Variants in OR2AG2 observed in about 807,000 individuals in gnomAD.
OR2AG2 encodes the protein olfactory receptor 2AG2.
For missense variants in OR2AG2, 390 were observed against 391.9 expected (o/e 1.00, Z 0.04); for synonymous variants, 167 against 157.1 (o/e 1.06, Z -0.47).
In OR2AG2 at chr11:6,766,283, C is replaced by T. The variant is rs947701192; in HGVS notation, c.*1724G>A. On this transcript the variant is annotated 3_prime_UTR_variant, in exon 2 of 2. Coordinates refer to ENST00000641124, the MANE Select transcript of OR2AG2 (RefSeq NM_001004490.2). ...AAATGCGGGCACTCTGGTCTGCTTT[C>T]TCATCACTACTCTAAAATATTCCCT... 6.6e-6 allele frequency: 1 copy of T among 152,132 alleles called. No individual in the cohort carries two copies. Among genetic ancestry groups the T allele is most frequent in the Non-Finnish European group, 1.5e-5 (1 of 68,026 alleles). The allele number at this position is 152,132 out of a possible 1,614,324, so 9.4% of individuals were successfully genotyped here. A position where few individuals can be genotyped will look rare whatever the true frequency, so the allele number is the denominator to read the frequency against.
rs1847418153 is a variant in OR2AG2, at chr11:6,769,172, T to G, written c.-215A>C. ...TAAACTGGTATCAGGTATTTTGACA[T>G]GTTGTTAATAGTAATCATTTAGAAA... On this transcript the variant is annotated 5_prime_UTR_variant, in exon 2 of 2. The change abolishes an upstream ATG in the 5' untranslated region. Coordinates refer to ENST00000641124, the MANE Select transcript of OR2AG2 (RefSeq NM_001004490.2). 1.9e-6 allele frequency: 1 copy of G among 520,894 alleles called. No homozygotes were observed. Among genetic ancestry groups the G allele is most frequent in the Non-Finnish European group, 3.4e-6 (1 of 296,406 alleles). 32.3% of individuals were successfully genotyped at this position (520,894 alleles called of 1,614,324 possible).
In OR2AG2 at chr11:6,765,936, A is replaced by T. The variant is rs1847369681; in HGVS notation, c.*2071T>A. 1 of 152,212 alleles carries T rather than the reference A, an allele frequency of 6.6e-6. No homozygotes were observed. The highest frequency in any genetic ancestry group is 2.4e-5 in the African/African-American group (1 of 41,466). The allele number at this position is 152,212 out of a possible 1,614,324, so 9.4% of individuals were successfully genotyped here. A position where few individuals can be genotyped will look rare whatever the true frequency, so the allele number is the denominator to read the frequency against. ...CCATAAAGTATACATATTTCAAAAC[A>T]TCATGTTTTACTACATTAAGACATA... On this transcript the variant is annotated 3_prime_UTR_variant, in exon 2 of 2. Coordinates refer to ENST00000641124, the MANE Select transcript of OR2AG2 (RefSeq NM_001004490.2).
At position 6,768,319 on chromosome 11, in the gene OR2AG2, G is replaced by A. The variant is rs1426216291; in HGVS notation, c.639C>T (p.Ala213=). ...GVTFLLLPIS[A]IVASYTLVLF... ...GGACTAGTGTGTAGGAGGCCACAAT[G>A]GCAGAAATGGGGAGCAAGAGGAAAG... The change falls in exon 2 of 2, where the codon GCC becomes GCT. Residue 213 remains alanine (A), a synonymous_variant. Coordinates refer to ENST00000641124, the MANE Select transcript of OR2AG2 (RefSeq NM_001004490.2). The A allele has an allele frequency of 6.2e-7, 1 of 1,613,990 alleles. No individual in the cohort carries two copies.
Position 6,768,996 on chromosome 11 carries a change from C to A in OR2AG2, c.-39G>T. 1 of 1,462,914 alleles carries A rather than the reference C, an allele frequency of 6.8e-7. No individual in the cohort carries two copies. Among genetic ancestry groups the A allele is most frequent in the South Asian group, 1.2e-5 (1 of 80,790 alleles). The allele number at this position is 1,462,914 out of a possible 1,614,324, so 90.6% of individuals were successfully genotyped here. On this transcript the variant is annotated 5_prime_UTR_variant, in exon 2 of 2. Transcript: ENST00000641124. ...AGTTGCCTAGAACCAAATATATTATCAGTGGAAGCTTTTCTAAAGGTGTTC... is the reference window on the plus strand; with the variant it reads ...AGTTGCCTAGAACCAAATATATTATAAGTGGAAGCTTTTCTAAAGGTGTTC...
chr11:6,768,456 A>G lies in OR2AG2; in HGVS notation c.502T>C (p.Phe168Leu), dbSNP rs777086936. 3.7e-6 allele frequency: 6 copies of G among 1,614,134 alleles called. No individual in the cohort carries two copies. In the South Asian group the frequency reaches 6.6e-5, roughly 18 times the overall value. ...GHTMYTMHLPFCVSWEIRHLL... is the reference protein window; with the variant it reads ...GHTMYTMHLPLCVSWEIRHLL... ...TGCCTGATTTCCCAGGACACACAGA[A>G]AGGGAGGTGCATAGTGTACATGGTA... Residue 168 changes from phenylalanine (F) to leucine (L), a missense_variant, in exon 2 of 2, where the codon TTC becomes CTC. Phe to Leu is a conservative substitution (Grantham distance 22, BLOSUM62 0). Coordinates refer to ENST00000641124, the MANE Select transcript of OR2AG2 (RefSeq NM_001004490.2).
rs1847380555 is a variant in OR2AG2, at chr11:6,766,854, CA to C, written c.*1152del. 2 of 152,180 alleles carry C rather than the reference CA, an allele frequency of 1.3e-5. No individual in the cohort carries two copies. Among genetic ancestry groups the C allele is most frequent in the African/African-American group, 2.4e-5 (1 of 41,448 alleles). The allele number at this position is 152,180 out of a possible 1,614,324, so 9.4% of individuals were successfully genotyped here. ...GTTTTAATGTTTAAAAACACATTCA[CA>C]TATCTGCAAGTCCACATTTTAAAAA... On this transcript the variant is annotated 3_prime_UTR_variant, in exon 2 of 2. Coordinates refer to ENST00000641124, the MANE Select transcript of OR2AG2 (RefSeq NM_001004490.2).
In OR2AG2 at chr11:6,768,162, G is replaced by A. The variant is rs146325136; in HGVS notation, c.796C>T (p.His266Tyr). 70 of 1,614,040 alleles carry A rather than the reference G, an allele frequency of 4.3e-5. No homozygotes were observed. The African/African-American group carries it at 7.9e-4, about 18-fold the overall frequency. Residue 266 changes from histidine to tyrosine, a missense_variant, in exon 2 of 2, where the codon CAC (histidine) becomes TAC (tyrosine). Coordinates refer to ENST00000641124, the MANE Select transcript of OR2AG2 (RefSeq NM_001004490.2). ...ATGATGTTGTCTTGTTTGGGGCTGT[G>A]GAAGGAACTGGGCAAGACATACATG... The part of the protein sequence containing the change: ...TFMYVLPSSF[H>Y]SPKQDNIISV...
rs1428406264 is a variant in OR2AG2, at chr11:6,771,614, G to C, written c.-538+8C>G. ...CATATTGCCTTGAAACGGAGACAGA[G>C]CCCTTACCTCATATGGGAAGGGGCA... On this transcript the variant is annotated splice_region_variant and intron_variant, in intron 1 of 1. Coordinates refer to ENST00000641124, the MANE Select transcript of OR2AG2 (RefSeq NM_001004490.2). 1.3e-5 allele frequency: 2 copies of C among 152,216 alleles called. No individual in the cohort carries two copies. The highest frequency in any genetic ancestry group is 6.5e-5 in the Admixed American group (1 of 15,278). 9.4% of individuals were successfully genotyped at this position (152,216 alleles called of 1,614,324 possible).
chr11:6,770,031 A>T (rs758274772), intron 1 of OR2AG2, among the ~76,000 whole-genome samples: 24 of 152,296 alleles, frequency 1.6e-4, no homozygotes, highest in Middle Eastern at 3.4e-3. Flanking sequence ...CATAATCTGC[A>T]CCTACTTCTC....
In OR2AG2 at chr11:6,769,342, T is replaced by C. The variant is rs1347087627; in HGVS notation, c.-385A>G. On this transcript the variant is annotated 5_prime_UTR_variant, in exon 2 of 2. Transcript: ENST00000641124. ...TTTTCTGCTTAAAATGTAGTTGGAA[T>C]TCCAATTCAGTTTTTAAAATTTTAT... The C allele has an allele frequency of 5.9e-6, 1 of 170,134 alleles. No homozygotes were observed. Among genetic ancestry groups the C allele is most frequent in the East Asian group, 1.7e-4 (1 of 5,934 alleles). The allele number at this position is 170,134 out of a possible 1,614,324, so 10.5% of individuals were successfully genotyped here.
rs1451391620 is a variant in OR2AG2, at chr11:6,768,424, G to A, written c.534C>T (p.Leu178=). ...FCVSWEIRHL[L]CEIPPLLKLA... ...ACTTCAGCAAGGGTGGGATCTCACA[G>A]AGCAGATGCCTGATTTCCCAGGACA... is the stretch of plus-strand genomic sequence containing the variant. Residue 178 remains leucine (L), a synonymous_variant, in exon 2 of 2, where the codon CTC becomes CTT. Transcript: ENST00000641124. 1 of 1,614,180 alleles carries A rather than the reference G, an allele frequency of 6.2e-7. No homozygotes were observed. Among genetic ancestry groups the A allele is most frequent in the Non-Finnish European group, 8.5e-7 (1 of 1,180,030 alleles).
intron 1 of OR2AG2, among the ~76,000 whole-genome samples, chr11:6,770,782 C>T (rs1847439083): frequency 6.6e-6 from 1 of 152,184 alleles, no homozygotes; most frequent in African/African-American, 2.4e-5. Context: ...TAGCTGGGCA[C>T]ATTCTTCTAG....
Position 6,767,446 on chromosome 11 carries a change from A to C in OR2AG2, c.*561T>G, listed in dbSNP as rs1222333363. 3 of 153,020 alleles carry C rather than the reference A, an allele frequency of 2.0e-5. No individual in the cohort carries two copies. The highest frequency in any genetic ancestry group is 7.2e-5 in the African/African-American group (3 of 41,472). 9.5% of individuals were successfully genotyped at this position (153,020 alleles called of 1,614,324 possible). On this transcript the variant is annotated 3_prime_UTR_variant, in exon 2 of 2. Transcript: ENST00000641124. ...TGAAGGTCCCTTAGGTCTAGAGTAC[A>C]AATGCAGTCACATAACTCTTATTCA... is the stretch of plus-strand genomic sequence containing the variant.
At chr11:6,769,844 T>C (rs1311951082) in intron 1 of OR2AG2, among the ~76,000 whole-genome samples, 1 of 152,094 alleles carries the variant, frequency 6.6e-6, no homozygotes, top group East Asian at 1.9e-4. Context: ...CCTGAATCCA[T>C]ATGATAGCTC....
At position 6,768,840 on chromosome 11, in the gene OR2AG2, T is replaced by G; in HGVS notation, c.118A>C (p.Thr40Pro). 1 of 1,614,140 alleles carries G rather than the reference T, an allele frequency of 6.2e-7. No individual in the cohort carries two copies. Among genetic ancestry groups the G allele is most frequent in the South Asian group, 1.1e-5 (1 of 91,076 alleles). The change falls in exon 2 of 2, where the codon ACC (threonine) becomes CCC (proline). Residue 40 changes from threonine to proline, a missense_variant. Coordinates refer to ENST00000641124, the MANE Select transcript of OR2AG2 (RefSeq NM_001004490.2). ...GCCAGGAGCAGCAGACCATTGCTGG[T>G]CAGTGCCAACATGTATAGGATTGTA... ...TFTILYMLAL[T>P]SNGLLLLAIT... is the part of the protein sequence containing the mutation.
rs568773052 is a variant in OR2AG2, at chr11:6,766,038, G to A, written c.*1969C>T. 5.6e-4 allele frequency: 85 copies of A among 151,920 alleles called. 1 individual carries two copies. The highest frequency in any genetic ancestry group is 1.9e-4 in the Non-Finnish European group (13 of 67,920). 9.4% of individuals were successfully genotyped at this position (151,920 alleles called of 1,614,324 possible). A position where few individuals can be genotyped will look rare whatever the true frequency, so the allele number is the denominator to read the frequency against. ...TAATAAAATAAGATTTTTTAAAAAG[G>A]CTTTTTACTATTTATCCATATAGCA... On this transcript the variant is annotated 3_prime_UTR_variant, in exon 2 of 2. Coordinates refer to ENST00000641124, the MANE Select transcript of OR2AG2 (RefSeq NM_001004490.2).
intron 1 of OR2AG2, 21 bp from the exon 2 acceptor site, chr11:6,769,515 G>A (rs1421027987): frequency 6.5e-6 from 1 of 153,436 alleles, no homozygotes; most frequent in Admixed American, 6.5e-5. Flanking sequence ...AGAGAATTCT[G>A]GGCTGAATTT....
rs202059894 is a variant in OR2AG2, at chr11:6,768,299, A to G, written c.659T>C (p.Leu220Pro). 8.1e-6 allele frequency: 13 copies of G among 1,614,042 alleles called. No individual in the cohort carries two copies. The highest frequency in any genetic ancestry group is 1.1e-5 in the Non-Finnish European group (13 of 1,179,976). ...PISAIVASYT[L>P]VLFTVLRMPS... ...CATACGAAGCACAGTGAATAGGACT[A>G]GTGTGTAGGAGGCCACAATGGCAGA... is the stretch of plus-strand genomic sequence containing the variant. Residue 220 changes from leucine to proline, a missense_variant, in exon 2 of 2, where the codon CTA (leucine) becomes CCA (proline). Physicochemically the swap from Leu to Pro is moderately conservative, Grantham distance 98. Coordinates refer to ENST00000641124, the MANE Select transcript of OR2AG2 (RefSeq NM_001004490.2).
chr11:6,768,525 C>A lies in OR2AG2; in HGVS notation c.433G>T (p.Val145Leu), dbSNP rs756956653. ...GATGCCAGGATCCAGGATGTGGCCACCATGATCCAGCAGACTCTTGGGCTC... is the reference window on the plus strand; with the variant it reads ...GATGCCAGGATCCAGGATGTGGCCAACATGATCCAGCAGACTCTTGGGCTC... ...LMSPRVCWIM[V>L]ATSWILASLI... The change falls in exon 2 of 2, where the codon GTG (valine) becomes TTG (leucine). Residue 145 changes from valine (V) to leucine (L), a missense_variant. Physicochemically the swap from Val to Leu is conservative, Grantham distance 32 (BLOSUM62 1). Transcript: ENST00000641124. 1.2e-6 allele frequency: 2 copies of A among 1,614,082 alleles called. No homozygotes were observed. The highest frequency in any genetic ancestry group is 2.2e-5 in the South Asian group (2 of 91,070).
Sources: allele counts gnomAD v4.1 joint callset (sites outside exome capture counted in the v4.1 genomes callset), GRCh38; gene constraint gnomAD v4.1.1; transcripts MANE v1.5; gene names NCBI Gene and HGNC (gene_info 2026-07-23, HGNC 2026-07-21).